AGPAT4: variants seen among roughly 807,000 people sequenced by gnomAD.
AGPAT4 encodes the protein 1-acyl-sn-glycerol-3-phosphate acyltransferase delta.
In AGPAT4, 15 loss-of-function variants were observed where a neutral mutation model predicts 48.0. That is an observed-to-expected ratio of 0.31 (90% CI 0.21 to 0.48). The LOEUF (loss-of-function observed/expected upper bound fraction) is 0.48. Ranked by LOEUF, AGPAT4 falls within the 20% of genes least tolerant of loss-of-function variation. The pLI is 0.99. For synonymous variants in AGPAT4, 178 were observed against 198.7 expected (o/e 0.90, Z 0.88); for missense variants, 314 against 482.5 (o/e 0.65, Z 3.27).
chr6:161,164,691 G>C lies in AGPAT4; in HGVS notation c.348+1557C>G, dbSNP rs1010382968. Among the ~76,000 whole-genome samples, 1 of 152,176 alleles carries C rather than the reference G, an allele frequency of 6.6e-6. No homozygotes were observed. Among genetic ancestry groups the C allele is most frequent in the Non-Finnish European group, 1.5e-5 (1 of 68,050 alleles). Reference sequence around the variant, plus strand: ...GTGGATAATAATATCCTAAGGATTAGAAATTACGGAAATAAGGTGAACAGC... The same window carrying C: ...GTGGATAATAATATCCTAAGGATTACAAATTACGGAAATAAGGTGAACAGC... On this transcript the variant is annotated intron_variant, in intron 3 of 8. Coordinates refer to ENST00000320285, the MANE Select transcript of AGPAT4 (RefSeq NM_020133.3). The surrounding 1 kb of genome is among the most constrained non-coding windows in gnomAD (Gnocchi z 7.4).
intron 2 of AGPAT4, among the ~76,000 whole-genome samples, chr6:161,211,903 A>G (rs1486816125): frequency 6.6e-6 from 1 of 152,180 alleles, no homozygotes; most frequent in Non-Finnish European, 1.5e-5. Flanking sequence ...CATTCCTGAG[A>G]CACAGGGCCA....
In AGPAT4 at chr6:161,237,502, G is replaced by T. The variant is rs562574489; in HGVS notation, c.-89-5200C>A. On this transcript the variant is annotated intron_variant, in intron 1 of 8. Coordinates refer to ENST00000320285, the MANE Select transcript of AGPAT4 (RefSeq NM_020133.3). ...GACAAAGGGGGTTAAATACATAGGGGATGTTGACTATAAGCCAACAGTGTA... is the reference window on the plus strand; with the variant it reads ...GACAAAGGGGGTTAAATACATAGGGTATGTTGACTATAAGCCAACAGTGTA... 1.1e-4 allele frequency among the ~76,000 whole-genome samples: 17 copies of T among 152,316 alleles called. No homozygotes were observed. In the East Asian group the frequency reaches 3.1e-3, roughly 28 times the overall value.
chr6:161,153,018 C>T (rs2114965410), intron 5 of AGPAT4, among the ~76,000 whole-genome samples: 2 of 152,298 alleles, frequency 1.3e-5, no homozygotes, highest in South Asian at 4.1e-4. Flanking sequence ...CCCTCAAACC[C>T]AACTGTGCTG....
chr6:161,187,706 A>G (rs976998025), intron 2 of AGPAT4, among the ~76,000 whole-genome samples: 1 of 151,994 alleles, frequency 6.6e-6, no homozygotes, highest in Non-Finnish European at 1.5e-5. Flanking sequence ...ACACCCAGCT[A>G]ATTTTTTTTG....
At chr6:161,230,146 AT>A (rs1398284542) in intron 2 of AGPAT4, among the ~76,000 whole-genome samples, 1 of 152,194 alleles carries the variant, frequency 6.6e-6, no homozygotes, top group Non-Finnish European at 1.5e-5. Context: ...CCTGAGAAAA[AT>A]ATCTCCACAA....
rs1000258552 is a variant in AGPAT4 at position 161,270,327 on chromosome 6, T to G, written c.-90+3611A>C. Among the ~76,000 whole-genome samples, 7 of 152,172 alleles carry G rather than the reference T, an allele frequency of 4.6e-5. No individual in the cohort carries two copies. Among genetic ancestry groups the G allele is most frequent in the Admixed American group, 4.6e-4 (7 of 15,270 alleles). On this transcript the variant is annotated intron_variant, in intron 1 of 8. Coordinates refer to ENST00000320285, the MANE Select transcript of AGPAT4 (RefSeq NM_020133.3). This position sits in a 1 kb window ranked among gnomAD's most constrained non-coding sequence, Gnocchi z 5.3. Reference sequence around the variant, plus strand: ...AGCCAGGTTTCAGAGTTCCAGCGCTTCCTTTCCAAACTGATTCTCACACAA... The same window carrying G: ...AGCCAGGTTTCAGAGTTCCAGCGCTGCCTTTCCAAACTGATTCTCACACAA...
chr6:161,166,934 A>G lies in AGPAT4; in HGVS notation c.179-517T>C, dbSNP rs569385804. Reference sequence around the variant, plus strand: ...GCCCCAGCACCTGCAGGGCAGCGGGAGTGAGAGTCAGCCCACAGCAGGTCT... The same window carrying G: ...GCCCCAGCACCTGCAGGGCAGCGGGGGTGAGAGTCAGCCCACAGCAGGTCT... On this transcript the variant is annotated intron_variant, in intron 2 of 8. Transcript: ENST00000320285. This position sits in a 1 kb window ranked among gnomAD's most constrained non-coding sequence, Gnocchi z 6.7. Among the ~76,000 whole-genome samples, 1 of 152,276 alleles carries G rather than the reference A, an allele frequency of 6.6e-6. No homozygotes were observed. The highest frequency in any genetic ancestry group is 6.5e-5 in the Admixed American group (1 of 15,302).
intron 1 of AGPAT4, among the ~76,000 whole-genome samples, chr6:161,265,167 G>C (rs112521940): frequency 7.6e-6 from 1 of 131,306 alleles, no homozygotes; most frequent in East Asian, 2.6e-4. Context: ...ACTGGGTGCT[G>C]ATTAGTACCC....
chr6:161,136,495 C>T lies in AGPAT4; in HGVS notation c.*45G>A. The stretch of plus-strand genomic sequence containing the variant: ...CCCACTAAGGAGGATATGCAGAGGC[C>T]ACCAGTTCCCCAAGGTTCCCTTCGG... On this transcript the variant is annotated 3_prime_UTR_variant, in exon 9 of 9. Coordinates refer to ENST00000320285, the MANE Select transcript of AGPAT4 (RefSeq NM_020133.3). 1.3e-6 allele frequency: 2 copies of T among 1,571,876 alleles called. No individual in the cohort carries two copies. Among genetic ancestry groups the T allele is most frequent in the Non-Finnish European group, 1.8e-6 (2 of 1,142,674 alleles).
At chr6:161,213,634 T>C (rs1468302598) in intron 2 of AGPAT4, among the ~76,000 whole-genome samples, 1 of 152,144 alleles carries the variant, frequency 6.6e-6, no homozygotes, top group Non-Finnish European at 1.5e-5. Flanking sequence ...ATGACAACAA[T>C]CTATTTACAT....
In AGPAT4 at chr6:161,217,344, A is replaced by G. The variant is rs1332924330; in HGVS notation, c.178+14692T>C. On this transcript the variant is annotated intron_variant, in intron 2 of 8. Coordinates refer to ENST00000320285, the MANE Select transcript of AGPAT4 (RefSeq NM_020133.3). This position sits in a 1 kb window ranked among gnomAD's most constrained non-coding sequence, Gnocchi z 4.9. ...TGTCTACCAAGTTGAATGAAAGGGCATCTCACTGTTTGAGCGTGCTTTAAA... is the reference window on the plus strand; with the variant it reads ...TGTCTACCAAGTTGAATGAAAGGGCGTCTCACTGTTTGAGCGTGCTTTAAA... Among the ~76,000 whole-genome samples, 1 of 152,190 alleles carries G rather than the reference A, an allele frequency of 6.6e-6. No individual in the cohort carries two copies. Among genetic ancestry groups the G allele is most frequent in the African/African-American group, 2.4e-5 (1 of 41,442 alleles).
rs771551643 is a variant in AGPAT4 at position 161,131,763 on chromosome 6, T to C, written c.*4777A>G. On this transcript the variant is annotated 3_prime_UTR_variant, in exon 9 of 9. Coordinates refer to ENST00000320285, the MANE Select transcript of AGPAT4 (RefSeq NM_020133.3). ...CGATACTATGTCAGTTGGTGATGAA[T>C]GCTGTGAATGGTATTGAATGTCCTG... is the stretch of plus-strand genomic sequence containing the variant. 4.6e-5 allele frequency: 7 copies of C among 152,240 alleles called. No homozygotes were observed. The highest frequency in any genetic ancestry group is 1.0e-4 in the Non-Finnish European group (7 of 68,034). 9.4% of individuals were successfully genotyped at this position (152,240 alleles called of 1,614,324 possible).
rs1366473030 is a variant in AGPAT4 at position 161,208,197 on chromosome 6, A to AT, written c.178+23838dup. On this transcript the variant is annotated intron_variant, in intron 2 of 8. Transcript: ENST00000320285. This position sits in a 1 kb window ranked among gnomAD's most constrained non-coding sequence, Gnocchi z 4.6. ...TCTGAAAATCAAGTATATATTTTAC[A>AT]TTTCAGTCTCCTTTTTTATATGAAC... Among the ~76,000 whole-genome samples, 1 of 152,134 alleles carries AT rather than the reference A, an allele frequency of 6.6e-6. No individual in the cohort carries two copies. Among genetic ancestry groups the AT allele is most frequent in the Non-Finnish European group, 1.5e-5 (1 of 68,024 alleles).
intron 2 of AGPAT4, among the ~76,000 whole-genome samples, chr6:161,179,056 C>T (rs1257333565): frequency 1.3e-5 from 2 of 152,184 alleles, no homozygotes; most frequent in African/African-American, 4.8e-5. Context: ...GCTATTTAAC[C>T]ATTGCCTGCT....
At position 161,159,369 on chromosome 6, in the gene AGPAT4, C is replaced by G. The variant is rs1237745166; in HGVS notation, c.349-5059G>C. Among the ~76,000 whole-genome samples the G allele has an allele frequency of 6.6e-6, 1 of 152,164 alleles. No individual in the cohort carries two copies. The highest frequency in any genetic ancestry group is 1.5e-5 in the Non-Finnish European group (1 of 68,032). On this transcript the variant is annotated intron_variant, in intron 3 of 8. Coordinates refer to ENST00000320285, the MANE Select transcript of AGPAT4 (RefSeq NM_020133.3). This position sits in a 1 kb window ranked among gnomAD's most constrained non-coding sequence, Gnocchi z 4.1. Reference sequence around the variant, plus strand: ...AGAACTCAATGCTGGTTATGATTACCTGTGGCCTTGAGGTGCCCAGAGTCT... The same window carrying G: ...AGAACTCAATGCTGGTTATGATTACGTGTGGCCTTGAGGTGCCCAGAGTCT...
rs929211698 is a variant in AGPAT4, at chr6:161,184,157, G to A, written c.179-17740C>T. Among the ~76,000 whole-genome samples the A allele has an allele frequency of 6.6e-6, 1 of 152,068 alleles. No individual in the cohort carries two copies. Among genetic ancestry groups the A allele is most frequent in the Non-Finnish European group, 1.5e-5 (1 of 68,010 alleles). On this transcript the variant is annotated intron_variant, in intron 2 of 8. Coordinates refer to ENST00000320285, the MANE Select transcript of AGPAT4 (RefSeq NM_020133.3). This position sits in a 1 kb window ranked among gnomAD's most constrained non-coding sequence, Gnocchi z 4.8. ...TGACTTTGGCTGCTGTGTGGAGAAA[G>A]AAGTGCAGCAGGTTACGGGTGGAAG...
chr6:161,176,291 A>C (rs1343544535), intron 2 of AGPAT4, among the ~76,000 whole-genome samples: 1 of 152,096 alleles, frequency 6.6e-6, no homozygotes, highest in Non-Finnish European at 1.5e-5. Flanking sequence ...GTAGGTCTCT[A>C]AGGACTTGCT....
rs753910326 is a variant in AGPAT4, at chr6:161,147,302, A to G, written c.768-703T>C. Among the ~76,000 whole-genome samples, 1 of 152,102 alleles carries G rather than the reference A, an allele frequency of 6.6e-6. No homozygotes were observed. The highest frequency in any genetic ancestry group is 1.5e-5 in the Non-Finnish European group (1 of 68,014). On this transcript the variant is annotated intron_variant, in intron 6 of 8. Transcript: ENST00000320285. The surrounding 1 kb of genome is among the most constrained non-coding windows in gnomAD (Gnocchi z 4.8). ...AAGGGCTTGCCACTCGATCATTTGC[A>G]AAGAGCCCATACTGAACACAGGGAG...
At chr6:161,186,676 C>T (rs1375728959) in intron 2 of AGPAT4, among the ~76,000 whole-genome samples, 1 of 152,116 alleles carries the variant, frequency 6.6e-6, no homozygotes, top group East Asian at 1.9e-4. Flanking sequence ...CAGATGACTG[C>T]AGGCTCCCCA....
Sources: gnomAD v4.1 joint callset for allele counts (sites outside exome capture counted in the v4.1 genomes callset) on GRCh38, gnomAD v4.1.1 for gene constraint, Gnocchi (gnomAD v3.1) non-coding constraint, MANE v1.5 for transcripts, NCBI Gene and HGNC (gene_info 2026-07-23, HGNC 2026-07-21) for gene names.